The following ROS1 variants were observed in gnomAD, a reference collection of about 807,000 sequenced individuals.
ROS1 encodes the protein proto-oncogene tyrosine-protein kinase ROS.
Under a neutral mutation model 273.5 loss-of-function variants are expected in ROS1, and 263 were observed. The ratio of observed to expected loss-of-function variants is 0.96; its 90% CI spans 0.87 to 1.06. The LOEUF (loss-of-function observed/expected upper bound fraction) is 1.06, where lower values mean the gene tolerates loss of function less well. ROS1 is among the 50% of genes least tolerant of loss of function. The pLI, the probability that ROS1 is intolerant of heterozygous loss-of-function variation, is 0.00. For missense variants in ROS1, 2,833 were observed against 2,751.1 expected, an observed-to-expected ratio of 1.03 and a Z score of -0.67; for synonymous variants, 1,008 against 954.1, an observed-to-expected ratio of 1.06 and a Z score of -1.04.
At chr6:117,297,506 A>G (rs966063209) in intron 43 of ROS1, among the ~76,000 whole-genome samples, 19 of 152,178 alleles carry the variant, frequency 1.2e-4, no homozygotes, top group African/African-American at 4.6e-4. Flanking sequence ...CAAGGAATTC[A>G]AACACTCAAC....
At chr6:117,383,198 C>T (rs1772293455) in intron 17 of ROS1, 119 bp downstream of exon 17, 3 of 758,466 alleles carry the variant, frequency 4.0e-6, no homozygotes, top group Admixed American at 2.7e-5. Context: ...CAAGATCTTA[C>T]CAAAACACTA....
chr6:117,397,266 G>A (rs1021602490), intron 7 of ROS1, 150 bp from the exon 8 acceptor site: 2 of 618,976 alleles, frequency 3.2e-6, no homozygotes, highest in Non-Finnish European at 5.6e-6. Context: ...ATAGAGGAAA[G>A]GTGGTAAGAT....
chr6:117,416,503 A>G (rs1194831604), intron 2 of ROS1, among the ~76,000 whole-genome samples, 186 bp from the exon 3 acceptor site: 1 of 152,212 alleles, frequency 6.6e-6, no homozygotes, highest in Admixed American at 6.5e-5. Context: ...TCCTATCTAC[A>G]GGTAGAACAA....
In ROS1 at chr6:117,387,902, C is replaced by T. The variant is rs1282664597; in HGVS notation, c.1877G>A (p.Gly626Glu). ...EVTHIFLNIS[G>E]TMLNVPELQS... ...CAGCTCAGGTACATTCAGCATGGTTCCACTTATGTTCAAGAAAATATGAGT... is the reference window on the plus strand; with the variant it reads ...CAGCTCAGGTACATTCAGCATGGTTTCACTTATGTTCAAGAAAATATGAGT... Residue 626 changes from glycine (G) to glutamate (E), a missense_variant, in exon 14 of 44, where the codon GGA (glycine) becomes GAA (glutamate). Coordinates refer to ENST00000368507, the MANE Select transcript of ROS1 (RefSeq NM_001378902.1). 6.2e-7 allele frequency: 1 copy of T among 1,614,168 alleles called. No individual in the cohort carries two copies. Among genetic ancestry groups the T allele is most frequent in the Non-Finnish European group, 8.5e-7 (1 of 1,180,014 alleles).
chr6:117,304,335 C>A (rs1774948319), intron 42 of ROS1, among the ~76,000 whole-genome samples: 1 of 152,130 alleles, frequency 6.6e-6, no homozygotes. Flanking sequence ...ATTAATCTAA[C>A]AGTTGTCCTC....
intron 27 of ROS1, among the ~76,000 whole-genome samples, chr6:117,344,605 T>C (rs964254103): frequency 6.6e-6 from 1 of 152,158 alleles, no homozygotes; most frequent in African/African-American, 2.4e-5. Context: ...CAGACAATCA[T>C]GTGACACGGT....
intron 31 of ROS1, 60 bp downstream of exon 31, chr6:117,341,075 G>GA: frequency 8.7e-7 from 1 of 1,144,944 alleles, no homozygotes; most frequent in Non-Finnish European, 1.3e-6. Context: ...CTAGATGCAT[G>GA]AAAAAGCCCT....
chr6:117,350,409 AT>A (rs529224279), intron 27 of ROS1, among the ~76,000 whole-genome samples: 127 of 151,526 alleles, frequency 8.4e-4, no homozygotes, highest in African/African-American at 3.0e-3. Flanking sequence ...TTCTTTCAGA[AT>A]TTTTTTTCTT....
chr6:117,318,294 A>G, intron 37 of ROS1, 42 bp from the exon 38 acceptor site: 1 of 1,459,934 alleles, frequency 6.8e-7, no homozygotes, highest in Non-Finnish European at 9.6e-7. Flanking sequence ...TATAGCAGAC[A>G]TTTCTGTGAG....
In ROS1 at chr6:117,359,992, G is replaced by A. The variant is rs1334675955; in HGVS notation, c.3450C>T (p.His1150=). The A allele has an allele frequency of 6.2e-7, 1 of 1,613,366 alleles. No homozygotes were observed. Among genetic ancestry groups the A allele is most frequent in the Non-Finnish European group, 8.5e-7 (1 of 1,179,688 alleles). Residue 1150 remains histidine (H), a synonymous_variant, in exon 24 of 44, where the codon CAC becomes CAT. Transcript: ENST00000368507. ...TCTTGTTACCAAGAAGAGTTATGAGGTGAGGAAATGGGTTGATTTCTGAAA... is the reference window on the plus strand; with the variant it reads ...TCTTGTTACCAAGAAGAGTTATGAGATGAGGAAATGGGTTGATTTCTGAAA... The part of the protein sequence containing the change: ...STTSEINPFP[H]LITLLGNKIV...
At position 117,397,071 on chromosome 6, in the gene ROS1, G is replaced by C; in HGVS notation, c.650C>G (p.Pro217Arg). 1.2e-6 allele frequency: 2 copies of C among 1,613,912 alleles called. No homozygotes were observed. Among genetic ancestry groups the C allele is most frequent in the Non-Finnish European group, 1.7e-6 (2 of 1,179,852 alleles). ...ATCCCAGCTGACTTCCACAGTGTCG[G>C]GACTTGAGCTCTCAATATTCCTAAT... ...PLIRNIESSS[P>R]DTVEVSWDPP... The change falls in exon 8 of 44, where the codon CCC becomes CGC. Residue 217 changes from proline (P) to arginine (R), a missense_variant. By Grantham distance (103) the Pro-to-Arg change is moderately radical (BLOSUM62 -2). Coordinates refer to ENST00000368507, the MANE Select transcript of ROS1 (RefSeq NM_001378902.1).
At position 117,352,926 on chromosome 6, in the gene ROS1, T is replaced by C. The variant is rs535591497; in HGVS notation, c.4303+64A>G. ...AAAGGGACAGCCTTGGAGAAGGAGATGTTATGAGATTTTTCTGACCCTAAA... is the reference window on the plus strand; with the variant it reads ...AAAGGGACAGCCTTGGAGAAGGAGACGTTATGAGATTTTTCTGACCCTAAA... On this transcript the variant is annotated intron_variant, in intron 27 of 43. Transcript: ENST00000368507. 6,037 of 1,443,494 alleles carry C rather than the reference T, an allele frequency of 4.2e-3. 20 individuals carry two copies. Among genetic ancestry groups the C allele is most frequent in the Non-Finnish European group, 5.4e-3 (5,622 of 1,041,192 alleles). The allele number at this position is 1,443,494 out of a possible 1,614,324, so 89.4% of individuals were successfully genotyped here. A position where few individuals can be genotyped will look rare whatever the true frequency, so the allele number is the denominator to read the frequency against.
At position 117,404,255 on chromosome 6, in the gene ROS1, G is replaced by A. The variant is rs559085585; in HGVS notation, c.465+25C>T. ...AAAAAATTGGGAAGGGGTCTGGGTT[G>A]AGGTACAAAGGCAGCCTTTCATACC... On this transcript the variant is annotated intron_variant, in intron 6 of 43. Coordinates refer to ENST00000368507, the MANE Select transcript of ROS1 (RefSeq NM_001378902.1). The A allele has an allele frequency of 8.2e-5, 132 of 1,604,236 alleles. 3 individuals are homozygous for A. In the South Asian group the frequency reaches 1.4e-3, roughly 18 times the overall value.
At chr6:117,312,684 C>T (rs3777958) in intron 39 of ROS1, among the ~76,000 whole-genome samples, 37,876 of 151,844 alleles carry the variant, frequency 0.25, 4,962 homozygotes, top group African/African-American at 0.32. Flanking sequence ...GCTTGGATCT[C>T]TGACTATTCT....
chr6:117,302,062 A>G (rs1260063459), intron 42 of ROS1, among the ~76,000 whole-genome samples: 2 of 152,230 alleles, frequency 1.3e-5, no homozygotes, highest in Non-Finnish European at 2.9e-5. Flanking sequence ...TATAGTAATT[A>G]TAAGAGAAAG....
Position 117,362,971 on chromosome 6 carries a change from C to T in ROS1, c.3104-106G>A, listed in dbSNP as rs984239411. Reference sequence around the variant, plus strand: ...TTGTAAACAACTTAACAATATTTCTCATTCCAGGCAGTTGCAGTATATTTA... The same window carrying T: ...TTGTAAACAACTTAACAATATTTCTTATTCCAGGCAGTTGCAGTATATTTA... On this transcript the variant is annotated intron_variant, in intron 21 of 43. Transcript: ENST00000368507. 3.1e-6 allele frequency: 3 copies of T among 978,662 alleles called. No individual in the cohort carries two copies. In the African/African-American group the frequency reaches 5.0e-5, roughly 16 times the overall value. The allele number at this position is 978,662 out of a possible 1,614,324, so 60.6% of individuals were successfully genotyped here.
chr6:117,405,909 T>A (rs1287001040), intron 5 of ROS1, among the ~76,000 whole-genome samples: 2 of 152,218 alleles, frequency 1.3e-5, no homozygotes, highest in African/African-American at 2.4e-5. Context: ...AGGTTAATAA[T>A]AGTATGTATA....
chr6:117,403,099 G>T (rs2128724080), intron 7 of ROS1, 40 bp downstream of exon 7: 1 of 1,604,554 alleles, frequency 6.2e-7, no homozygotes, highest in East Asian at 2.2e-5. Context: ...TCAAAGCTTT[G>T]GAATAATGTC....
chr6:117,306,873 C>T (rs1367763583), intron 42 of ROS1, among the ~76,000 whole-genome samples: 2 of 152,100 alleles, frequency 1.3e-5, no homozygotes, highest in Admixed American at 6.6e-5. Context: ...GATCTTTAAC[C>T]CTTCCCAGGG....
Sources: allele counts gnomAD v4.1 joint callset (sites outside exome capture counted in the v4.1 genomes callset), GRCh38; gene constraint gnomAD v4.1.1; transcripts MANE v1.5; gene names NCBI Gene and HGNC (gene_info 2026-07-23, HGNC 2026-07-21).